The following AGAP1 variants were observed in gnomAD, a reference collection of about 807,000 sequenced individuals.
AGAP1 encodes arf-GAP with GTPase, ANK repeat and PH domain-containing protein 1.
In AGAP1, 29 loss-of-function variants were observed where a neutral mutation model predicts 105.3. The ratio of observed to expected loss-of-function variants is 0.28; its 90% CI spans 0.21 to 0.38. The LOEUF is 0.38. Ranked by LOEUF, AGAP1 falls within the 10% of genes least tolerant of loss-of-function variation. The pLI is 1.00. For missense variants in AGAP1, 998 were observed against 1,165.1 expected (o/e 0.86, Z 2.09); for synonymous variants, 509 against 485.9 (o/e 1.05, Z -0.63).
chr2:235,597,304 C>T (rs1441010473), intron 1 of AGAP1, among the ~76,000 whole-genome samples: 1 of 152,196 alleles, frequency 6.6e-6, no homozygotes, highest in Admixed American at 6.5e-5. Context: ...CTCAGGGCCA[C>T]CTCCACTCTG....
At chr2:235,921,238 CAAT>C (rs1450176068) in intron 11 of AGAP1, among the ~76,000 whole-genome samples, 1 of 152,060 alleles carries the variant, frequency 6.6e-6, no homozygotes, top group East Asian at 1.9e-4. Context: ...TACATTAAAT[CAAT>C]AATGTTACAT....
rs1474505062 is a variant in AGAP1 at position 236,050,463 on chromosome 2, CAG to C, written c.2114+1183_2114+1184del. ...TATGAGTTATGCTCTATAGTGTAGA[CAG>C]GGGTAAGTTTCTTACAAACCGAAGA... On this transcript the variant is annotated intron_variant, in intron 16 of 17. Coordinates refer to ENST00000304032, the MANE Select transcript of AGAP1 (RefSeq NM_001037131.3). The surrounding 1 kb of genome is among the most constrained non-coding windows in gnomAD (Gnocchi z 4.0). Among the ~76,000 whole-genome samples the C allele has an allele frequency of 5.9e-5, 9 of 152,110 alleles. No individual in the cohort carries two copies. The highest frequency in any genetic ancestry group is 3.9e-4 in the East Asian group (2 of 5,164).
rs56934868 is a variant in AGAP1, at chr2:235,681,843, C to CTTTTTTTTTTTTTTTTTTTTTTTT, written c.164-27334_164-27311dup. 2.6e-5 allele frequency among the ~76,000 whole-genome samples: 2 copies of CTTTTTTTTTTTTTTTTTTTTTTTT among 78,302 alleles called. 1 individual carries two copies. The highest frequency in any genetic ancestry group is 9.2e-5 in the African/African-American group (2 of 21,710). The allele number at this position is 78,302 out of a possible 152,430, so 51.4% of individuals were successfully genotyped here. ...CCTATAAAGGGTCTAATTTAGTTTG[C>CTTTTTTTTTTTTTTTTTTTTTTTT]TTTTTTTTTTTTTTTTTTTTTTTTT... On this transcript the variant is annotated intron_variant, in intron 1 of 17. Coordinates refer to ENST00000304032, the MANE Select transcript of AGAP1 (RefSeq NM_001037131.3).
rs539037394 is a variant in AGAP1 at position 235,622,913 on chromosome 2, G to C, written c.164-86266G>C. Among the ~76,000 whole-genome samples the C allele has an allele frequency of 1.1e-4, 16 of 152,156 alleles. No individual in the cohort carries two copies. Among genetic ancestry groups the C allele is most frequent in the Non-Finnish European group, 2.1e-4 (14 of 68,028 alleles). ...TCAGCACTGCTTCACGGTCCTATTG[G>C]CATGAGAACCACGTCCCCAGCTATT... On this transcript the variant is annotated intron_variant, in intron 1 of 17. Coordinates refer to ENST00000304032, the MANE Select transcript of AGAP1 (RefSeq NM_001037131.3). This position sits in a 1 kb window ranked among gnomAD's most constrained non-coding sequence, Gnocchi z 5.0.
intron 16 of AGAP1, among the ~76,000 whole-genome samples, chr2:236,098,883 C>T (rs2059263798): frequency 1.3e-5 from 2 of 151,294 alleles, no homozygotes; most frequent in African/African-American, 4.9e-5. Context: ...TTAGCCTCCC[C>T]AAGTGCTGGG....
intron 1 of AGAP1, among the ~76,000 whole-genome samples, chr2:235,521,744 G>GTATGTA (rs753985692): frequency 7.9e-6 from 1 of 126,862 alleles, no homozygotes; most frequent in Admixed American, 7.8e-5. Flanking sequence ...TTATATATAT[G>GTATGTA]TGTGTGTGTG....
intron 13 of AGAP1, among the ~76,000 whole-genome samples, chr2:236,023,715 C>T (rs2056958233): frequency 6.6e-6 from 1 of 152,168 alleles, no homozygotes; most frequent in Non-Finnish European, 1.5e-5. Context: ...GCCCGTCCCC[C>T]AGGCTGAGCA....
At position 235,943,116 on chromosome 2, in the gene AGAP1, A is replaced by G. The variant is rs995908906; in HGVS notation, c.1483+12193A>G. On this transcript the variant is annotated intron_variant, in intron 12 of 17. Transcript: ENST00000304032. ...TATAATGTACATTTTGAAGCAATACAGGACTTTTTTTCCACATGACTTTAT... is the reference window on the plus strand; with the variant it reads ...TATAATGTACATTTTGAAGCAATACGGGACTTTTTTTCCACATGACTTTAT... Among the ~76,000 whole-genome samples the G allele has an allele frequency of 3.3e-5, 5 of 152,350 alleles. No homozygotes were observed. The East Asian group carries it at 5.8e-4, about 18-fold the overall frequency.
At chr2:235,630,175 C>T (rs554666070) in intron 1 of AGAP1, among the ~76,000 whole-genome samples, 2 of 151,864 alleles carry the variant, frequency 1.3e-5, no homozygotes, top group Non-Finnish European at 2.9e-5. Flanking sequence ...AGCTATCACA[C>T]GATTGTTAAT....
chr2:235,796,418 T>G (rs1288396169), intron 6 of AGAP1, among the ~76,000 whole-genome samples: 1 of 152,196 alleles, frequency 6.6e-6, no homozygotes, highest in Non-Finnish European at 1.5e-5. Context: ...CTCTGTAATT[T>G]AAACATGATT....
chr2:235,549,924 T>C lies in AGAP1; in HGVS notation c.163+55075T>C, dbSNP rs892344273. ...ATGAGAGGCTGGGGACGTTTTCGGATGACCACAGGTGTGAAGCTGTCTTCA... is the reference window on the plus strand; with the variant it reads ...ATGAGAGGCTGGGGACGTTTTCGGACGACCACAGGTGTGAAGCTGTCTTCA... On this transcript the variant is annotated intron_variant, in intron 1 of 17. Coordinates refer to ENST00000304032, the MANE Select transcript of AGAP1 (RefSeq NM_001037131.3). The surrounding 1 kb of genome is among the most constrained non-coding windows in gnomAD (Gnocchi z 4.2). Among the ~76,000 whole-genome samples the C allele has an allele frequency of 1.3e-5, 2 of 152,174 alleles. No homozygotes were observed. The highest frequency in any genetic ancestry group is 2.9e-5 in the Non-Finnish European group (2 of 68,032).
intron 6 of AGAP1, among the ~76,000 whole-genome samples, chr2:235,774,633 G>A (rs79860994): frequency 0.031 from 4,681 of 152,270 alleles, 238 homozygotes; most frequent in African/African-American, 0.1. Flanking sequence ...TAAAATAGTC[G>A]TTAGGCTGCT....
intron 13 of AGAP1, among the ~76,000 whole-genome samples, chr2:235,969,041 A>C (rs1031785197): frequency 1.3e-5 from 2 of 152,214 alleles, no homozygotes; most frequent in African/African-American, 4.8e-5. Flanking sequence ...CTCTTAACTA[A>C]CCAGACACCT....
At chr2:235,706,919 T>C (rs569369656) in intron 1 of AGAP1, among the ~76,000 whole-genome samples, 2 of 152,348 alleles carry the variant, frequency 1.3e-5, no homozygotes, top group East Asian at 3.9e-4. Flanking sequence ...GTTTTCCAAA[T>C]TAATTGGTAA....
intron 11 of AGAP1, among the ~76,000 whole-genome samples, chr2:235,921,539 T>C (rs942273366): frequency 7.9e-5 from 12 of 152,224 alleles, no homozygotes; most frequent in African/African-American, 2.9e-4. Context: ...TACAATGAGC[T>C]GTTTCTACGT....
rs532879511 is a variant in AGAP1 at position 236,040,463 on chromosome 2, G to T, written c.1801-288G>T. 4.0e-6 allele frequency: 2 copies of T among 497,490 alleles called. No individual in the cohort carries two copies. Among genetic ancestry groups the T allele is most frequent in the East Asian group, 3.4e-5 (1 of 29,554 alleles). The allele number at this position is 497,490 out of a possible 1,614,324, so 30.8% of individuals were successfully genotyped here. ...CCTTCTCCAGGTTACCATGGTCCATGCGTATTCACAGATGATCCAGAACTC... is the reference window on the plus strand; with the variant it reads ...CCTTCTCCAGGTTACCATGGTCCATTCGTATTCACAGATGATCCAGAACTC... On this transcript the variant is annotated intron_variant, in intron 14 of 17. Coordinates refer to ENST00000304032, the MANE Select transcript of AGAP1 (RefSeq NM_001037131.3). This position sits in a 1 kb window ranked among gnomAD's most constrained non-coding sequence, Gnocchi z 5.6.
At chr2:235,567,874 G>A (rs1467721523) in intron 1 of AGAP1, among the ~76,000 whole-genome samples, 2 of 152,100 alleles carry the variant, frequency 1.3e-5, no homozygotes, top group Non-Finnish European at 2.9e-5. Flanking sequence ...GGTGACAGTG[G>A]CCTCTCAATA....
At chr2:235,921,933 G>A (rs891635235) in intron 11 of AGAP1, among the ~76,000 whole-genome samples, 9 of 152,168 alleles carry the variant, frequency 5.9e-5, no homozygotes, top group Non-Finnish European at 7.3e-5. Context: ...GCCTTAAATC[G>A]TGTGTCTCAC....
chr2:235,807,795 G>A (rs1957916918), intron 9 of AGAP1, among the ~76,000 whole-genome samples: 1 of 152,196 alleles, frequency 6.6e-6, no homozygotes, highest in African/African-American at 2.4e-5. Context: ...AATCATAGCC[G>A]GTGTGTCAGC....
Sources: gnomAD v4.1 joint callset for allele counts (sites outside exome capture counted in the v4.1 genomes callset) on GRCh38, gnomAD v4.1.1 for gene constraint, Gnocchi (gnomAD v3.1) non-coding constraint, MANE v1.5 for transcripts, NCBI Gene and HGNC (gene_info 2026-07-23, HGNC 2026-07-21) for gene names.